LIFR: variants seen among roughly 807,000 people sequenced by gnomAD.
LIFR encodes leukemia inhibitory factor receptor.
In LIFR, 84 loss-of-function variants were observed where a neutral mutation model predicts 122.2. That is an observed-to-expected ratio of 0.69 (90% CI 0.58 to 0.82). The LOEUF is 0.82. Ranked by LOEUF, LIFR falls within the 40% of genes least tolerant of loss-of-function variation. LIFR has a pLI of 0.00. For missense variants in LIFR, 1,294 were observed against 1,311.6 expected (o/e 0.99, Z 0.21); for synonymous variants, 422 against 434.7 (o/e 0.97, Z 0.36).
intron 1 of LIFR, among the ~76,000 whole-genome samples, chr5:38,588,128 C>T (rs942191742): frequency 7.2e-5 from 11 of 152,298 alleles, no homozygotes; most frequent in Non-Finnish European, 1.3e-4. Context: ...GCAAAATCCC[C>T]AATATTCAAT....
At chr5:38,516,193 G>A (rs1245212423) in intron 5 of LIFR, among the ~76,000 whole-genome samples, 1 of 152,120 alleles carries the variant, frequency 6.6e-6, no homozygotes, top group Non-Finnish European at 1.5e-5. Flanking sequence ...TAGCCTAACA[G>A]TCCCTTCATT....
rs1428444381 is a variant in LIFR at position 38,479,937 on chromosome 5, T to G, written c.*1658A>C. 2 of 225,514 alleles carry G rather than the reference T, an allele frequency of 8.9e-6. No homozygotes were observed. Among genetic ancestry groups the G allele is most frequent in the East Asian group, 6.5e-5 (1 of 15,474 alleles). 14.0% of individuals were successfully genotyped at this position (225,514 alleles called of 1,614,324 possible). Reference sequence around the variant, plus strand: ...TCCACAGATCATAAAGCTCAGAAATTTAGCTGAATCCTAGCAGTTAAAATC... The same window carrying G: ...TCCACAGATCATAAAGCTCAGAAATGTAGCTGAATCCTAGCAGTTAAAATC... On this transcript the variant is annotated 3_prime_UTR_variant, in exon 20 of 20. Coordinates refer to ENST00000453190, the MANE Select transcript of LIFR (RefSeq NM_001127671.2).
chr5:38,573,246 G>C (rs927582088), intron 1 of LIFR, among the ~76,000 whole-genome samples: 40 of 152,228 alleles, frequency 2.6e-4, no homozygotes, highest in Admixed American at 2.3e-3. Context: ...GAGCTTTTGA[G>C]CTGGAATCAG....
chr5:38,565,286 C>T (rs1327773902), intron 1 of LIFR, among the ~76,000 whole-genome samples: 1 of 152,086 alleles, frequency 6.6e-6, no homozygotes, highest in East Asian at 1.9e-4. Flanking sequence ...GGTAGAAATA[C>T]AGCCCTCACT....
At chr5:38,528,865 CACACACACACACAG>C (rs768501276) in intron 2 of LIFR, 25 bp from the exon 3 acceptor site, 17,666 of 906,082 alleles carry the variant, frequency 0.019, 19 homozygotes, top group East Asian at 0.033. Context: ...CACACACACA[CACACACACACACAG>C]ACACACATAA....
intron 1 of LIFR, among the ~76,000 whole-genome samples, chr5:38,577,472 C>T (rs1749425674): frequency 6.6e-6 from 1 of 152,126 alleles, no homozygotes; most frequent in Non-Finnish European, 1.5e-5. Flanking sequence ...CCACACTGTC[C>T]AGATAGTGCC....
intron 11 of LIFR, among the ~76,000 whole-genome samples, chr5:38,501,981 GT>G (rs201985430): frequency 5.9e-4 from 84 of 141,704 alleles, no homozygotes; most frequent in African/African-American, 1.3e-3. Flanking sequence ...TTTAGTAATT[GT>G]TTTTTTTTTT....
intron 11 of LIFR, among the ~76,000 whole-genome samples, chr5:38,502,063 C>G (rs908674918): frequency 6.6e-6 from 1 of 151,266 alleles, no homozygotes; most frequent in African/African-American, 2.4e-5. Context: ...AAAAATCATT[C>G]TATGCATTAT....
chr5:38,490,337 G>T, intron 14 of LIFR, 46 bp from the exon 15 acceptor site: 1 of 819,948 alleles, frequency 1.2e-6, no homozygotes, highest in South Asian at 1.6e-5. Flanking sequence ...ATATTACTAT[G>T]AATATCTATT....
chr5:38,498,861 C>A (rs1745026773), intron 12 of LIFR, among the ~76,000 whole-genome samples: 1 of 152,084 alleles, frequency 6.6e-6, no homozygotes, highest in Non-Finnish European at 1.5e-5. Flanking sequence ...AAAGCTGTAT[C>A]GACGTCAAAA....
chr5:38,484,811 A>T lies in LIFR; in HGVS notation c.2555T>A (p.Val852Glu). 6.2e-7 allele frequency: 1 copy of T among 1,613,664 alleles called. No individual in the cohort carries two copies. Among genetic ancestry groups the T allele is most frequent in the Non-Finnish European group, 8.5e-7 (1 of 1,179,642 alleles). ...CCGATAGCAAAGGATACTTGTCACC[A>T]CTCCAACAATGACAGCCACTGCCAC... Reference protein sequence around the residue: ...IPVAVAVIVGVVTSILCYRKR... With the variant: ...IPVAVAVIVGEVTSILCYRKR... Residue 852 changes from valine (V) to glutamate (E), a missense_variant, in exon 18 of 20, where the codon GTG (valine) becomes GAG (glutamate). Val to Glu is a moderately radical substitution (Grantham distance 121). Coordinates refer to ENST00000453190, the MANE Select transcript of LIFR (RefSeq NM_001127671.2).
At chr5:38,547,118 T>C (rs931431850) in intron 1 of LIFR, among the ~76,000 whole-genome samples, 1 of 152,134 alleles carries the variant, frequency 6.6e-6, no homozygotes, top group African/African-American at 2.4e-5. Flanking sequence ...GTAAAGTCCA[T>C]GTAAGGCAAT....
At chr5:38,553,561 C>T (rs1482973288) in intron 1 of LIFR, among the ~76,000 whole-genome samples, 5 of 135,648 alleles carry the variant, frequency 3.7e-5, no homozygotes, top group African/African-American at 1.1e-4. Flanking sequence ...TGTATCACAA[C>T]AGTACCAAAT....
chr5:38,560,224 T>C (rs1185313258), upstream of LIFR, among the ~76,000 whole-genome samples: 1 of 152,132 alleles, frequency 6.6e-6, no homozygotes, highest in African/African-American at 2.4e-5. Flanking sequence ...CGGTGAATAA[T>C]TGAAATGAGT....
Position 38,481,169 on chromosome 5 carries a change from C to T in LIFR, c.*426G>A, listed in dbSNP as rs116625329. On this transcript the variant is annotated 3_prime_UTR_variant, in exon 20 of 20. Coordinates refer to ENST00000453190, the MANE Select transcript of LIFR (RefSeq NM_001127671.2). ...GAGTAAACGTCAGGCAAATAAACTTCACCTGTTACTTGGACATTTTCTCCC... is the reference window on the plus strand; with the variant it reads ...GAGTAAACGTCAGGCAAATAAACTTTACCTGTTACTTGGACATTTTCTCCC... 0.016 allele frequency: 4,325 copies of T among 273,164 alleles called. 35 individuals carry two copies. Among genetic ancestry groups the T allele is most frequent in the Non-Finnish European group, 0.023 (3,248 of 142,420 alleles). The allele number at this position is 273,164 out of a possible 1,614,324, so 16.9% of individuals were successfully genotyped here.
At position 38,523,456 on chromosome 5, in the gene LIFR, T is replaced by C. The variant is rs751074959; in HGVS notation, c.524A>G (p.Lys175Arg). The C allele has an allele frequency of 6.2e-7, 1 of 1,613,252 alleles. No individual in the cohort carries two copies. Among genetic ancestry groups the C allele is most frequent in the South Asian group, 1.1e-5 (1 of 90,868 alleles). The change falls in exon 5 of 20, where the codon AAA becomes AGA. Residue 175 changes from lysine to arginine, a missense_variant. Coordinates refer to ENST00000453190, the MANE Select transcript of LIFR (RefSeq NM_001127671.2). ...PHRSNVIWEI[K>R]VLRKESMELV... ...CTCCATACTCTCTTTACGTAGAACT[T>C]TAATTTCCCAGATAACATTTGAGCG...
chr5:38,481,521 G>T lies in LIFR; in HGVS notation c.*74C>A. ...TACTTCACAGGATCCCTCCAAGAATGCCCAGTGCTGATGTAGCAACACTAG... is the reference window on the plus strand; with the variant it reads ...TACTTCACAGGATCCCTCCAAGAATTCCCAGTGCTGATGTAGCAACACTAG... On this transcript the variant is annotated 3_prime_UTR_variant, in exon 20 of 20. Coordinates refer to ENST00000453190, the MANE Select transcript of LIFR (RefSeq NM_001127671.2). 2 of 1,437,230 alleles carry T rather than the reference G, an allele frequency of 1.4e-6. No individual in the cohort carries two copies. The highest frequency in any genetic ancestry group is 9.8e-7 in the Non-Finnish European group (1 of 1,019,266). 89.0% of individuals were successfully genotyped at this position (1,437,230 alleles called of 1,614,324 possible).
At chr5:38,485,788 GA>G (rs753271251) in intron 17 of LIFR, 30 bp downstream of exon 17, 2 of 1,612,804 alleles carry the variant, frequency 1.2e-6, no homozygotes, top group Non-Finnish European at 1.7e-6. Flanking sequence ...ATGCAGGATG[GA>G]AAGCACCTCA....
intron 7 of LIFR, among the ~76,000 whole-genome samples, chr5:38,509,440 C>G (rs1242924334): frequency 1.3e-5 from 2 of 152,098 alleles, no homozygotes; most frequent in Admixed American, 1.3e-4. Flanking sequence ...AGCCATCAAG[C>G]TGAGACGAGC....
Sources: gnomAD v4.1 joint callset for allele counts (sites outside exome capture counted in the v4.1 genomes callset) on GRCh38, gnomAD v4.1.1 for gene constraint, MANE v1.5 for transcripts, NCBI Gene and HGNC (gene_info 2026-07-23, HGNC 2026-07-21) for gene names.